The following NLRP13 variants were observed in gnomAD, a reference collection of about 807,000 sequenced individuals.
The protein encoded by NLRP13 is NLR family pyrin domain containing 13, also known as NACHT, LRR and PYD domains-containing protein 13.
A neutral mutation model predicts 94.4 loss-of-function variants in NLRP13; 82 were observed. The ratio of observed to expected loss-of-function variants is 0.87; its 90% confidence interval spans 0.73 to 1.04. The LOEUF (loss-of-function observed/expected upper bound fraction) is 1.04, where lower values mean the gene tolerates loss of function less well. NLRP13 is among the 50% of genes least tolerant of loss of function. NLRP13 has a pLI of 0.00. For missense variants in NLRP13, 1,426 were observed against 1,230.8 expected (o/e 1.16, Z -2.37); for synonymous variants, 553 against 464.7 (o/e 1.19, Z -2.45).
At chr19:55,895,209 A>AAG (rs1555812888), downstream of NLRP13, among the ~76,000 whole-genome samples, 6 of 150,156 alleles carry the variant, frequency 4.0e-5, no homozygotes, top group East Asian at 1.9e-4. Context: ...AAAAAAAAAA[A>AAG]AAAGAAAGAA....
intron 4 of NLRP13, among the ~76,000 whole-genome samples, chr19:55,913,548 CAAAAAAAA>C (rs10530056): frequency 0.057 from 2,972 of 52,132 alleles, 295 homozygotes; most frequent in Admixed American, 0.29. Flanking sequence ...GACTCCGTCT[CAAAAAAAA>C]AAAAAAAAAA....
At chr19:55,908,016 C>G (rs190004815) in intron 6 of NLRP13, 60 bp from the exon 7 acceptor site, 38 of 1,484,036 alleles carry the variant, frequency 2.6e-5, no homozygotes, top group Non-Finnish European at 3.5e-5. Context: ...TCCAGGATCC[C>G]GTCTGCCTCC....
At chr19:55,925,440 A>C (rs1986945131) in intron 1 of NLRP13, among the ~76,000 whole-genome samples, 1 of 152,192 alleles carries the variant, frequency 6.6e-6, no homozygotes, top group South Asian at 2.1e-4. Flanking sequence ...GTCACCTTTT[A>C]ACACACCATG....
chr19:55,909,568 C>G (rs1218338901), intron 6 of NLRP13, among the ~76,000 whole-genome samples: 3 of 151,626 alleles, frequency 2.0e-5, no homozygotes, highest in East Asian at 3.9e-4. Flanking sequence ...TAATTTATAG[C>G]TTTGCCAATT....
At chr19:55,915,393 T>A (rs1327646859) in intron 4 of NLRP13, among the ~76,000 whole-genome samples, 2 of 151,342 alleles carry the variant, frequency 1.3e-5, no homozygotes, top group African/African-American at 2.4e-5. Flanking sequence ...AGGTCAGGAG[T>A]TCGAGACCAG....
intron 6 of NLRP13, 74 bp downstream of exon 6, chr19:55,910,489 C>G: frequency 7.2e-7 from 1 of 1,381,694 alleles, no homozygotes; most frequent in Non-Finnish European, 9.7e-7. Flanking sequence ...AATAGTCAAC[C>G]ACACTCATCA....
chr19:55,922,334 T>C (rs148990160), intron 4 of NLRP13, among the ~76,000 whole-genome samples: 2,065 of 152,150 alleles, frequency 0.014, 44 homozygotes, highest in African/African-American at 0.047. Context: ...GTTTTTTTGT[T>C]TGTTTGTTTT....
chr19:55,905,790 G>A (rs1251154554), intron 7 of NLRP13, among the ~76,000 whole-genome samples: 3 of 152,052 alleles, frequency 2.0e-5, no homozygotes, highest in Non-Finnish European at 2.9e-5. Flanking sequence ...CCCACTAGGT[G>A]TTACCCACTA....
intron 8 of NLRP13, among the ~76,000 whole-genome samples, chr19:55,904,633 C>T (rs1395961360): frequency 6.6e-6 from 1 of 152,154 alleles, no homozygotes; most frequent in Non-Finnish European, 1.5e-5. Flanking sequence ...GTAAATCTGT[C>T]ATATCTACCA....
In NLRP13 at chr19:55,907,849, G is replaced by C; in HGVS notation, c.2390C>G (p.Thr797Ser). ...LNFSSNKLGM[T>S]VPLILKALRH... ...CAAAGCTTTAAGAATCAGGGGGACA[G>C]TCATTCCCAGCTTGTTAGAGCTGAA... The change falls in exon 7 of 11, where the codon ACT becomes AGT. Residue 797 changes from threonine to serine, a missense_variant. Physicochemically the swap from Thr to Ser is moderately conservative, Grantham distance 58. Coordinates refer to ENST00000342929, the MANE Select transcript of NLRP13 (RefSeq NM_176810.2). 1.9e-6 allele frequency: 3 copies of C among 1,613,978 alleles called. No homozygotes were observed. The highest frequency in any genetic ancestry group is 1.7e-6 in the Non-Finnish European group (2 of 1,179,950).
chr19:55,900,918 C>T (rs1398122512), intron 9 of NLRP13, among the ~76,000 whole-genome samples: 2 of 152,054 alleles, frequency 1.3e-5, no homozygotes, highest in Admixed American at 6.6e-5. Flanking sequence ...AATATATGCT[C>T]TTCTCTCTAA....
intron 8 of NLRP13, among the ~76,000 whole-genome samples, chr19:55,903,614 C>T (rs1167408870): frequency 6.6e-6 from 1 of 152,082 alleles, no homozygotes; most frequent in Non-Finnish European, 1.5e-5. Context: ...TACCCCCAAC[C>T]CAAACTCTTC....
intron 7 of NLRP13, among the ~76,000 whole-genome samples, chr19:55,906,174 C>A (rs903902335): frequency 6.6e-6 from 1 of 151,722 alleles, no homozygotes; most frequent in African/African-American, 2.4e-5. Context: ...CCCATCTGTA[C>A]TAAAATTACA....
chr19:55,892,475 G>A (rs1039920285), downstream of NLRP13, among the ~76,000 whole-genome samples: 6 of 152,140 alleles, frequency 3.9e-5, no homozygotes, highest in Admixed American at 6.5e-5. Flanking sequence ...AGGCTGGAGT[G>A]CAGTGGCGTG....
intron 10 of NLRP13, 83 bp from the exon 11 acceptor site, chr19:55,896,202 A>T: frequency 6.8e-7 from 1 of 1,472,730 alleles, no homozygotes; most frequent in African/African-American, 1.4e-5. Context: ...CTGCAGGAAA[A>T]AAACTATTAC....
intron 1 of NLRP13, among the ~76,000 whole-genome samples, chr19:55,927,355 G>A (rs561236807): frequency 3.0e-4 from 43 of 142,430 alleles, no homozygotes; most frequent in African/African-American, 6.7e-4. Flanking sequence ...GTGGCAGAGC[G>A]AGGCTCCATC....
downstream of NLRP13, among the ~76,000 whole-genome samples, chr19:55,894,755 C>T (rs186849811): frequency 6.6e-6 from 1 of 152,152 alleles, no homozygotes; most frequent in South Asian, 2.1e-4. Context: ...TGTTTCCCCC[C>T]TGTCTACCAT....
intron 10 of NLRP13, among the ~76,000 whole-genome samples, chr19:55,897,148 A>C (rs1213095946): frequency 6.6e-6 from 1 of 152,210 alleles, no homozygotes; most frequent in East Asian, 1.9e-4. Flanking sequence ...TAGCTACTAG[A>C]AACACAAAGA....
At position 55,911,847 on chromosome 19, in the gene NLRP13, C is replaced by A. The variant is rs369571953; in HGVS notation, c.1970G>T (p.Arg657Leu). Residue 657 changes from arginine (R) to leucine (L), a missense_variant, in exon 5 of 11, where the codon CGT becomes CTT. Coordinates refer to ENST00000342929, the MANE Select transcript of NLRP13 (RefSeq NM_176810.2). ...EEDFTKKMLG[R>L]IFEVDLNILE... ...AATATTAAGGTCAACTTCAAAGATA[C>A]GACCCAACATCTTCTTTGTGAAGTC... 1.2e-6 allele frequency: 2 copies of A among 1,614,016 alleles called. No individual in the cohort carries two copies. The highest frequency in any genetic ancestry group is 1.7e-5 in the Admixed American group (1 of 59,996).
Sources: gnomAD v4.1 joint callset for allele counts (sites outside exome capture counted in the v4.1 genomes callset) on GRCh38, gnomAD v4.1.1 for gene constraint, MANE v1.5 for transcripts, NCBI Gene and HGNC (gene_info 2026-07-23, HGNC 2026-07-21) for gene names.